The following RALGAPA2 variants were observed in gnomAD, a reference collection of about 807,000 sequenced individuals.
RALGAPA2 encodes the protein Ral GTPase activating protein catalytic subunit alpha 2.
Under a neutral mutation model 230.4 loss-of-function variants are expected in RALGAPA2, and 139 were observed. The observed-to-expected ratio is 0.60, with a 90% CI of 0.53 to 0.69. The LOEUF is 0.69. Among genes scored for constraint, RALGAPA2 ranks in the 30% least tolerant of loss-of-function variants. The pLI, the probability that RALGAPA2 is intolerant of heterozygous loss-of-function variation, is 0.00. For missense variants in RALGAPA2, 2,163 were observed against 2,276.0 expected (o/e 0.95, Z 1.01); for synonymous variants, 847 against 837.8 (o/e 1.01, Z -0.19).
chr20:20,678,912 GCTGACT>G (rs2068429512), intron 2 of RALGAPA2, among the ~76,000 whole-genome samples: 1 of 151,948 alleles, frequency 6.6e-6, no homozygotes, highest in Admixed American at 6.6e-5. Context: ...GCACCAATAG[GCTGACT>G]CTACATGCCT....
chr20:20,675,633 T>C (rs556649716), intron 3 of RALGAPA2, among the ~76,000 whole-genome samples: 3 of 152,282 alleles, frequency 2.0e-5, no homozygotes, highest in South Asian at 2.1e-4. Context: ...AGAAAGACTT[T>C]AAGCTTAATA....
chr20:20,692,241 T>C (rs1437579819), intron 1 of RALGAPA2, among the ~76,000 whole-genome samples: 1 of 152,228 alleles, frequency 6.6e-6, no homozygotes, highest in Non-Finnish European at 1.5e-5. Context: ...GGTTTGTTTC[T>C]TACATACAAT....
intron 23 of RALGAPA2, among the ~76,000 whole-genome samples, chr20:20,561,164 C>T (rs1017248869): frequency 2.0e-5 from 3 of 152,202 alleles, no homozygotes; most frequent in Non-Finnish European, 4.4e-5. Context: ...CTATCACCTG[C>T]CATATTTGAA....
At chr20:20,516,129 A>G (rs2062863081) in intron 31 of RALGAPA2, among the ~76,000 whole-genome samples, 1 of 152,178 alleles carries the variant, frequency 6.6e-6, no homozygotes, top group Non-Finnish European at 1.5e-5. Context: ...TATCTCTGGA[A>G]CATTACCCTG....
intron 24 of RALGAPA2, among the ~76,000 whole-genome samples, chr20:20,537,123 C>T (rs2145618559): frequency 6.6e-6 from 1 of 152,192 alleles, no homozygotes; most frequent in East Asian, 1.9e-4. Context: ...CAACTGAATA[C>T]CATTTTGCTG....
At chr20:20,661,343 A>G (rs1269584632) in intron 3 of RALGAPA2, among the ~76,000 whole-genome samples, 1 of 152,114 alleles carries the variant, frequency 6.6e-6, no homozygotes, top group African/African-American at 2.4e-5. Flanking sequence ...ATCTTTTAGT[A>G]GAGACAGGGT....
chr20:20,592,528 C>G (rs1317325419), intron 16 of RALGAPA2, among the ~76,000 whole-genome samples: 1 of 152,208 alleles, frequency 6.6e-6, no homozygotes, highest in East Asian at 1.9e-4. Flanking sequence ...CTGTTTCTCA[C>G]TAGATTCCAC....
chr20:20,465,927 T>C (rs976765289), intron 37 of RALGAPA2, among the ~76,000 whole-genome samples: 1 of 152,230 alleles, frequency 6.6e-6, no homozygotes. Flanking sequence ...CAACAGAGGT[T>C]TGAAACTCCA....
chr20:20,631,170 G>A (rs1471774575), intron 9 of RALGAPA2, among the ~76,000 whole-genome samples: 2 of 152,164 alleles, frequency 1.3e-5, no homozygotes, highest in African/African-American at 4.8e-5. Flanking sequence ...CATATGAGAA[G>A]TTCAACTACC....
intron 37 of RALGAPA2, among the ~76,000 whole-genome samples, chr20:20,461,637 T>C (rs1569420461): frequency 6.6e-6 from 1 of 152,230 alleles, no homozygotes; most frequent in Non-Finnish European, 1.5e-5. Context: ...ATCTGTTTTA[T>C]TATTCTTAGA....
chr20:20,535,122 G>A (rs2063465983), intron 26 of RALGAPA2, among the ~76,000 whole-genome samples: 1 of 152,186 alleles, frequency 6.6e-6, no homozygotes, highest in South Asian at 2.1e-4. Context: ...AACATGAACC[G>A]TTCCTAGGAG....
intron 35 of RALGAPA2, among the ~76,000 whole-genome samples, chr20:20,495,499 C>T (rs142770843): frequency 6.0e-4 from 92 of 152,314 alleles, no homozygotes; most frequent in African/African-American, 2.1e-3. Flanking sequence ...ATGCTAGCTT[C>T]GCAGGCACAT....
At chr20:20,641,005 T>G in intron 5 of RALGAPA2, 127 bp from the exon 6 acceptor site, 1 of 794,456 alleles carries the variant, frequency 1.3e-6, no homozygotes, top group South Asian at 2.0e-5. Context: ...ACCAAATTCT[T>G]CACTTAGTGA....
chr20:20,648,132 C>T (rs1462442604), intron 4 of RALGAPA2, among the ~76,000 whole-genome samples: 3 of 152,136 alleles, frequency 2.0e-5, no homozygotes, highest in Admixed American at 1.3e-4. Flanking sequence ...CATGTCCACA[C>T]AATGGAATAC....
Position 20,639,890 on chromosome 20 carries a change from A to G in RALGAPA2, c.561T>C (p.Tyr187=). 1 of 1,609,238 alleles carries G rather than the reference A, an allele frequency of 6.2e-7. No homozygotes were observed. The highest frequency in any genetic ancestry group is 8.5e-7 in the Non-Finnish European group (1 of 1,175,636). The change falls in exon 7 of 40, where the codon TAT becomes TAC. Residue 187 remains tyrosine, a synonymous_variant. Transcript: ENST00000202677. ...PSPSVADVKI[Y]PEEITPLLPA... ...GTAGGAGTGGAGTGATTTCTTCTGG[A>G]TATATCTTTACTGAAAGGACAGAAA...
chr20:20,427,111 G>A (rs2060399494), intron 37 of RALGAPA2, among the ~76,000 whole-genome samples: 2 of 152,154 alleles, frequency 1.3e-5, no homozygotes. Context: ...CAAGAGAAAA[G>A]ACTAGTGAGG....
At chr20:20,668,546 A>G (rs1396392998) in intron 3 of RALGAPA2, among the ~76,000 whole-genome samples, 1 of 152,248 alleles carries the variant, frequency 6.6e-6, no homozygotes, top group Non-Finnish European at 1.5e-5. Context: ...AATGCACATA[A>G]AAAACATGGA....
chr20:20,537,747 T>C (rs1335278498), intron 24 of RALGAPA2, among the ~76,000 whole-genome samples: 5 of 152,142 alleles, frequency 3.3e-5, no homozygotes, highest in Non-Finnish European at 7.4e-5. Context: ...TGTCCATCTA[T>C]ATGTCTACTA....
rs528396409 is a variant in RALGAPA2 at position 20,527,595 on chromosome 20, C to T, written c.3583-1233G>A. ...CTCCTCCCTGAGGCCACCACACCGC[C>T]CTCCCCCCACACCCCCAAGAGCTGG... is the stretch of plus-strand genomic sequence containing the variant. On this transcript the variant is annotated intron_variant, in intron 27 of 39. Transcript: ENST00000202677. 4.4e-4 allele frequency among the ~76,000 whole-genome samples: 67 copies of T among 152,004 alleles called. 4 individuals are homozygous for T. Among genetic ancestry groups the T allele is most frequent in the African/African-American group, 1.4e-3 (59 of 41,444 alleles).
Sources: gnomAD v4.1 joint callset for allele counts (sites outside exome capture counted in the v4.1 genomes callset) on GRCh38, gnomAD v4.1.1 for gene constraint, MANE v1.5 for transcripts, NCBI Gene and HGNC (gene_info 2026-07-23, HGNC 2026-07-21) for gene names.